MGAT4C: variants seen among roughly 807,000 people sequenced by gnomAD.
MGAT4C encodes the protein MGAT4 family member C.
Under a neutral mutation model 40.1 loss-of-function variants are expected in MGAT4C, and 19 were observed. That is an observed-to-expected ratio of 0.47 (90% CI 0.33 to 0.70). The LOEUF is 0.70. Ranked by LOEUF, MGAT4C falls within the 30% of genes least tolerant of loss-of-function variation. The pLI is 0.02. For missense variants in MGAT4C, 491 were observed against 563.2 expected (o/e 0.87, Z 1.30); for synonymous variants, 181 against 187.1 (o/e 0.97, Z 0.27).
At chr12:86,687,070 T>C (rs1373327610) in intron 2 of MGAT4C, among the ~76,000 whole-genome samples, 1 of 152,206 alleles carries the variant, frequency 6.6e-6, no homozygotes, top group African/African-American at 2.4e-5. Context: ...GTTTAGTCTT[T>C]GGATGATGCA....
intron 2 of MGAT4C, among the ~76,000 whole-genome samples, chr12:86,042,197 G>GAT (rs1232098304): frequency 6.6e-6 from 1 of 152,124 alleles, no homozygotes; most frequent in Non-Finnish European, 1.5e-5. Flanking sequence ...TAATCCTATG[G>GAT]ATGACACTGT....
intron 4 of MGAT4C, among the ~76,000 whole-genome samples, chr12:86,293,609 T>G (rs1012843853): frequency 6.6e-6 from 1 of 152,218 alleles, no homozygotes; most frequent in Admixed American, 6.5e-5. Flanking sequence ...CTTTATGACT[T>G]ATAACAATTG....
At chr12:86,508,903 GTTGT>G (rs1485323036) in intron 2 of MGAT4C, among the ~76,000 whole-genome samples, 12 of 150,492 alleles carry the variant, frequency 8.0e-5, no homozygotes, top group Non-Finnish European at 1.0e-4. Context: ...TTTTGATGGG[GTTGT>G]TTGTTTTTTT....
intron 4 of MGAT4C, among the ~76,000 whole-genome samples, chr12:86,319,877 A>AG (rs1954337173): frequency 6.6e-6 from 1 of 152,156 alleles, no homozygotes; most frequent in African/African-American, 2.4e-5. Flanking sequence ...AAATGATAAA[A>AG]TTTTTTTAAA....
At chr12:86,412,535 T>C (rs1232111698) in intron 3 of MGAT4C, among the ~76,000 whole-genome samples, 1 of 152,216 alleles carries the variant, frequency 6.6e-6, no homozygotes, top group African/African-American at 2.4e-5. Context: ...GGCTGATTTT[T>C]CTTTTTTGGA....
chr12:86,097,866 C>T (rs907280822), intron 1 of MGAT4C, among the ~76,000 whole-genome samples: 3 of 151,628 alleles, frequency 2.0e-5, no homozygotes, highest in Non-Finnish European at 3.0e-5. Flanking sequence ...TATGCTACTA[C>T]TGCATCTTCC....
At chr12:86,021,502 A>G (rs190360278) in intron 2 of MGAT4C, among the ~76,000 whole-genome samples, 100 of 147,720 alleles carry the variant, frequency 6.8e-4, no homozygotes, top group African/African-American at 2.5e-3. Context: ...AAAACCAAAC[A>G]CCGCATGTTC....
intron 1 of MGAT4C, among the ~76,000 whole-genome samples, chr12:86,804,416 TA>T (rs1378342276): frequency 2.0e-5 from 3 of 147,092 alleles, no homozygotes; most frequent in East Asian, 2.0e-4. Flanking sequence ...TAAAGTATAA[TA>T]AAAAAATAAA....
At chr12:86,740,951 G>T (rs1951059443) in intron 1 of MGAT4C, among the ~76,000 whole-genome samples, 1 of 150,794 alleles carries the variant, frequency 6.6e-6, no homozygotes, top group African/African-American at 2.4e-5. Context: ...CGTCACCCAG[G>T]TAGTGAGCAT....
At chr12:86,100,079 T>C (rs1370840101) in intron 1 of MGAT4C, among the ~76,000 whole-genome samples, 2 of 99,380 alleles carry the variant, frequency 2.0e-5, no homozygotes, top group Non-Finnish European at 4.6e-5. Flanking sequence ...ATTTCTATTT[T>C]ATTATCTTTA....
intron 4 of MGAT4C, among the ~76,000 whole-genome samples, chr12:86,285,616 G>A (rs944686933): frequency 1.3e-5 from 2 of 151,876 alleles, no homozygotes; most frequent in African/African-American, 4.8e-5. Flanking sequence ...ATGGAAGTGT[G>A]AATTGATACA....
In MGAT4C at chr12:85,965,371, G is replaced by A. The variant is rs1467532538; in HGVS notation, c.*13918C>T. On this transcript the variant is annotated 3_prime_UTR_variant, in exon 5 of 5. Coordinates refer to ENST00000611864, the MANE Select transcript of MGAT4C (RefSeq NM_001351288.2). Reference sequence around the variant, plus strand: ...CCAGCACTTTGTGAGGCCGAGGCGGGAGGATCACGAGGTCAGGAGATCGAG... The same window carrying A: ...CCAGCACTTTGTGAGGCCGAGGCGGAAGGATCACGAGGTCAGGAGATCGAG... 1.3e-5 allele frequency: 2 copies of A among 152,082 alleles called. No homozygotes were observed. Among genetic ancestry groups the A allele is most frequent in the African/African-American group, 2.4e-5 (1 of 41,394 alleles). The allele number at this position is 152,082 out of a possible 1,614,324, so 9.4% of individuals were successfully genotyped here. A position where few individuals can be genotyped will look rare whatever the true frequency, so the allele number is the denominator to read the frequency against.
intron 1 of MGAT4C, among the ~76,000 whole-genome samples, chr12:86,239,470 ACAATTAAAATTAATAT>A (rs1280457091): frequency 3.3e-5 from 5 of 152,106 alleles, no homozygotes; most frequent in South Asian, 2.1e-4. Context: ...AGCATGCTTT[ACAATTAAAATTAATAT>A]CAATTAAAAT....
chr12:86,793,983 C>A (rs1160665863), intron 1 of MGAT4C, among the ~76,000 whole-genome samples: 1 of 151,848 alleles, frequency 6.6e-6, no homozygotes, highest in Non-Finnish European at 1.5e-5. Context: ...GTAAGAGATG[C>A]ATGAATGTTT....
At chr12:86,119,462 G>C (rs1878994733) in intron 1 of MGAT4C, among the ~76,000 whole-genome samples, 1 of 151,606 alleles carries the variant, frequency 6.6e-6, no homozygotes. Flanking sequence ...GTCTTGCTCT[G>C]TTGCAGTGCA....
intron 1 of MGAT4C, among the ~76,000 whole-genome samples, chr12:86,122,616 T>C (rs190662395): frequency 9.9e-5 from 15 of 152,270 alleles, no homozygotes; most frequent in African/African-American, 3.6e-4. Flanking sequence ...ATACTACATA[T>C]ATATAAACAC....
At chr12:86,490,049 C>A (rs563090737) in intron 2 of MGAT4C, among the ~76,000 whole-genome samples, 1 of 152,148 alleles carries the variant, frequency 6.6e-6, no homozygotes, top group African/African-American at 2.4e-5. Flanking sequence ...CAGGCCAACA[C>A]TCAGATTCAG....
intron 4 of MGAT4C, among the ~76,000 whole-genome samples, chr12:86,263,681 G>A (rs1394084400): frequency 2.6e-5 from 4 of 151,936 alleles, no homozygotes; most frequent in African/African-American, 9.7e-5. Context: ...TTTCTTTTGG[G>A]GAGATACCCA....
intron 1 of MGAT4C, among the ~76,000 whole-genome samples, chr12:86,162,056 A>G (rs1462624908): frequency 6.6e-6 from 1 of 152,156 alleles, no homozygotes; most frequent in African/African-American, 2.4e-5. Context: ...TAGTAATGCA[A>G]ATTGGTCCTG....
Sources: allele counts gnomAD v4.1 joint callset (sites outside exome capture counted in the v4.1 genomes callset), GRCh38; gene constraint gnomAD v4.1.1; transcripts MANE v1.5; gene names NCBI Gene and HGNC (gene_info 2026-07-23, HGNC 2026-07-21).